The following F8 variants were observed in gnomAD, a reference collection of about 807,000 sequenced individuals.
The protein encoded by F8 is antihemophilic factor.
In F8, 12 loss-of-function variants were observed where a neutral mutation model predicts 140.6. The observed-to-expected ratio is 0.09, with a 90% CI of 0.05 to 0.14. The LOEUF (loss-of-function observed/expected upper bound fraction) is 0.14. Ranked by LOEUF, F8 falls within the 10% of genes least tolerant of loss-of-function variation. The probability of loss-of-function intolerance (pLI) is 1.00; values close to 1 mark genes in which losing one functional copy is unlikely to be tolerated. For missense variants in F8, 1,354 were observed against 1,720.7 expected, an observed-to-expected ratio of 0.79 and a Z score of 3.77; for synonymous variants, 585 against 614.6, an observed-to-expected ratio of 0.95 and a Z score of 0.71.
chrX:154,878,983 T>C (rs1277935389), intron 22 of F8, among the ~76,000 whole-genome samples: 1 of 112,337 alleles, frequency 8.9e-6, no homozygotes, highest in Non-Finnish European at 1.9e-5. Context: ...CTGAAAGATA[T>C]TAGAGACAGC....
chrX:154,843,197 A>T (rs879968669), intron 25 of F8, among the ~76,000 whole-genome samples: 1 of 111,749 alleles, frequency 8.9e-6, no homozygotes, highest in Admixed American at 9.5e-5. Flanking sequence ...TCTATCATTG[A>T]TGGACATTTG....
chrX:154,913,975 C>T (rs1473022383), intron 14 of F8, among the ~76,000 whole-genome samples: 2 of 113,294 alleles, frequency 1.8e-5, no homozygotes, highest in Non-Finnish European at 3.7e-5. Flanking sequence ...CTTTTCCTCA[C>T]TGCCCTAGCA....
At chrX:154,969,849 GT>G (rs1297054028) in intron 6 of F8, among the ~76,000 whole-genome samples, 1 of 111,402 alleles carries the variant, frequency 9.0e-6, no homozygotes, top group Non-Finnish European at 1.9e-5. Context: ...ATCTCTGTGG[GT>G]TTTTTTCTCC....
chrX:154,854,459 C>T (rs782492008), intron 25 of F8, among the ~76,000 whole-genome samples: 42 of 111,927 alleles, frequency 3.8e-4, no homozygotes, highest in African/African-American at 1.3e-3. Context: ...AACATTTTAA[C>T]TCTTTCTGGG....
At chrX:154,947,224 GA>G (rs781928603) in intron 13 of F8, among the ~76,000 whole-genome samples, 970 of 17,848 alleles carry the variant, frequency 0.054, 3 homozygotes, top group African/African-American at 0.13. Flanking sequence ...GACTCCGTCT[GA>G]AAAAAAAAAA....
In F8 at chrX:154,906,347, G is replaced by C. The variant is rs2073038006; in HGVS notation, c.5373+73C>G. 11 of 986,251 alleles carry C rather than the reference G, an allele frequency of 1.1e-5. No individual in the cohort carries two copies. The South Asian group carries it at 2.5e-4, about 22-fold the overall frequency. 81.3% of individuals were successfully genotyped at this position (986,251 alleles called of 1,213,427 possible). On this transcript the variant is annotated intron_variant, in intron 15 of 25. Coordinates refer to ENST00000360256, the MANE Select transcript of F8 (RefSeq NM_000132.4). ...ATACTTTAAAAATTTCCAAAAGTGG[G>C]AATACATTATAGTCAGCAAGAAAAT...
chrX:154,837,892 G>T (rs1341580773), intron 25 of F8, 140 bp from the exon 26 acceptor site: 9 of 592,329 alleles, frequency 1.5e-5, no homozygotes, highest in Non-Finnish European at 2.5e-5. Flanking sequence ...TCTGTCCTAC[G>T]CATCTGGGAC....
chrX:154,963,261 T>C (rs370147751), intron 9 of F8, among the ~76,000 whole-genome samples: 29 of 112,051 alleles, frequency 2.6e-4, no homozygotes, highest in African/African-American at 9.1e-4. Context: ...TAAGAATGTT[T>C]GTGATTTTTG....
rs2073368254 is a variant in F8 at position 154,957,017 on chromosome X, T to C, written c.1692A>G (p.Ser564=). 8.3e-7 allele frequency: 1 copy of C among 1,209,514 alleles called. No individual in the cohort carries two copies. Among genetic ancestry groups the C allele is most frequent in the African/African-American group, 1.8e-5 (1 of 57,118 alleles). ...SFVNMERDLA[S]GLIGPLLICY... is the part of the protein sequence containing the mutation. ...AGATGAGGAGAGGGCCAATGAGTCC[T>C]GAAGCTAGATCTCTCTCCATATTAA... Residue 564 remains serine (S), a synonymous_variant, in exon 11 of 26, where the codon TCA becomes TCG. Transcript: ENST00000360256.
chrX:154,934,522 C>A (rs1417870860), intron 13 of F8, among the ~76,000 whole-genome samples: 1 of 111,638 alleles, frequency 9.0e-6, no homozygotes, highest in African/African-American at 3.3e-5. Flanking sequence ...CAACACAAGT[C>A]TCAAAAGGTA....
At chrX:155,008,947 A>G (rs922105849) in intron 1 of F8, among the ~76,000 whole-genome samples, 2 of 111,002 alleles carry the variant, frequency 1.8e-5, no homozygotes, top group African/African-American at 6.6e-5. Context: ...CCTGGAGCCT[A>G]CCCGGCAGCG....
At chrX:154,892,014 T>G (rs2148582143) in intron 22 of F8, among the ~76,000 whole-genome samples, 1 of 111,779 alleles carries the variant, frequency 8.9e-6, no homozygotes, top group South Asian at 3.8e-4. Flanking sequence ...CAAAGGAGGT[T>G]CAGGGGAATT....
At chrX:154,915,625 C>T (rs2073092203) in intron 14 of F8, among the ~76,000 whole-genome samples, 1 of 111,697 alleles carries the variant, frequency 9.0e-6, no homozygotes, top group South Asian at 3.7e-4. Context: ...GGATTGTTAG[C>T]TCTTGGTATA....
chrX:154,943,121 C>T (rs1453720726), intron 13 of F8, among the ~76,000 whole-genome samples: 1 of 111,935 alleles, frequency 8.9e-6, no homozygotes, highest in Non-Finnish European at 1.9e-5. Flanking sequence ...ACAGGGATGC[C>T]TTCTCTCACC....
chrX:154,869,350 A>G (rs979821707), intron 22 of F8, among the ~76,000 whole-genome samples: 1 of 112,179 alleles, frequency 8.9e-6, no homozygotes, highest in Non-Finnish European at 1.9e-5. Flanking sequence ...ACAGTCTCTC[A>G]GACCACAGTG....
chrX:154,892,862 T>G (rs2072953475), intron 22 of F8, among the ~76,000 whole-genome samples: 1 of 111,658 alleles, frequency 9.0e-6, no homozygotes, highest in African/African-American at 3.3e-5. Flanking sequence ...TGCCTTATTA[T>G]ACCCGCCTCC....
chrX:154,895,387 T>C (rs1372970139), intron 22 of F8, among the ~76,000 whole-genome samples: 4 of 112,217 alleles, frequency 3.6e-5, no homozygotes, highest in Non-Finnish European at 7.5e-5. Flanking sequence ...GGCAGGCGAC[T>C]GATGATTATC....
intron 18 of F8, among the ~76,000 whole-genome samples, chrX:154,903,383 T>C (rs1225120127): frequency 3.6e-5 from 4 of 111,677 alleles, no homozygotes; most frequent in Non-Finnish European, 5.6e-5. Context: ...TCTTGCTTTG[T>C]CACCCAGGCT....
In F8 at chrX:154,994,853, C is replaced by T. The variant is rs782571868; in HGVS notation, c.389-1705G>A. On this transcript the variant is annotated intron_variant, in intron 3 of 25. Coordinates refer to ENST00000360256, the MANE Select transcript of F8 (RefSeq NM_000132.4). ...GTCAAATTCCACATCAGGAATTCAC[C>T]TAATGATTGTAACATCAGCTTGGAT... Among the ~76,000 whole-genome samples, 3 of 112,125 alleles carry T rather than the reference C, an allele frequency of 2.7e-5. No individual in the cohort carries two copies. The South Asian group carries it at 1.1e-3, about 41-fold the overall frequency.
Sources: allele counts gnomAD v4.1 joint callset (sites outside exome capture counted in the v4.1 genomes callset), GRCh38; gene constraint gnomAD v4.1.1; transcripts MANE v1.5; gene names NCBI Gene and HGNC (gene_info 2026-07-23, HGNC 2026-07-21).